Variants in NXF1 observed in about 807,000 individuals in gnomAD.
The protein encoded by NXF1 is mRNA export factor TAP.
In NXF1, 43 loss-of-function variants were observed where a neutral mutation model predicts 92.4. The observed-to-expected ratio is 0.47, with a 90% CI of 0.36 to 0.60. The LOEUF is 0.60. Among genes scored for constraint, NXF1 ranks in the 20% least tolerant of loss-of-function variants. The probability of loss-of-function intolerance (pLI) is 0.00; values close to 1 mark genes in which losing one functional copy is unlikely to be tolerated. For missense variants in NXF1, 576 were observed against 793.0 expected (o/e 0.73, Z 3.29); for synonymous variants, 288 against 292.2 (o/e 0.99, Z 0.15).
intron 19 of NXF1, among the ~76,000 whole-genome samples, chr11:62,793,913 A>G (rs1157628100): frequency 6.6e-6 from 1 of 151,134 alleles, no homozygotes; most frequent in African/African-American, 2.4e-5. Flanking sequence ...AGATTGGAGA[A>G]TTGCTTGAAC....
chr11:62,794,749 G>C (rs955621585), intron 18 of NXF1, 186 bp downstream of exon 18: 6 of 612,804 alleles, frequency 9.8e-6, no homozygotes, highest in African/African-American at 9.2e-5. Context: ...GGTGGAGCCA[G>C]GATGAAAACC....
At chr11:62,803,380 C>A in intron 3 of NXF1, 39 bp downstream of exon 3, 2 of 1,560,618 alleles carry the variant, frequency 1.3e-6, no homozygotes, top group Non-Finnish European at 1.8e-6. Context: ...GCGTGGCCTC[C>A]TATCTCTACT....
chr11:62,792,648 T>C lies in NXF1; in HGVS notation c.1814A>G (p.His605Arg). 6.2e-7 allele frequency: 1 copy of C among 1,614,130 alleles called. No individual in the cohort carries two copies. Among genetic ancestry groups the C allele is most frequent in the East Asian group, 2.2e-5 (1 of 44,886 alleles). Reference sequence around the variant, plus strand: ...TGTATTTCCAGACCTTACCTTGAGATGAGTGAAGGCCTGGGCAGATCTGGT... The same window carrying C: ...TGTATTTCCAGACCTTACCTTGAGACGAGTGAAGGCCTGGGCAGATCTGGT... ...DYTRSAQAFT[H>R]LKAKGEIPEV... Residue 605 changes from histidine (H) to arginine (R), a missense_variant, in exon 20 of 21, where the codon CAT becomes CGT. This residue lies in a region of NXF1 where 425 missense variants were observed against 635.2 expected (regional missense o/e 0.67). Transcript: ENST00000294172.
rs2084430734 is a variant in NXF1 at position 62,797,191 on chromosome 11, G to T, written c.1170C>A (p.Phe390Leu). Residue 390 changes from phenylalanine to leucine, a missense_variant, in exon 13 of 21, where the codon TTC becomes TTA. By Grantham distance (22) the Phe-to-Leu change is conservative. Coordinates refer to ENST00000294172, the MANE Select transcript of NXF1 (RefSeq NM_006362.5). ...GACCCTGGGATACTTACTGTTGCAGGAAGTGCAAGACCAGACTCTTCAAGT... is the reference window on the plus strand; with the variant it reads ...GACCCTGGGATACTTACTGTTGCAGTAAGTGCAAGACCAGACTCTTCAAGT... ...TENLKSLVLH[F>L]LQQYYAIYDS... 6.2e-7 allele frequency: 1 copy of T among 1,614,082 alleles called. No homozygotes were observed. The highest frequency in any genetic ancestry group is 8.5e-7 in the Non-Finnish European group (1 of 1,179,980).
chr11:62,794,513 A>T, intron 18 of NXF1, 73 bp from the exon 19 acceptor site: 1 of 1,346,194 alleles, frequency 7.4e-7, no homozygotes, highest in Non-Finnish European at 1.0e-6. Context: ...CTATTCTCTG[A>T]TTCTTTCAAT....
rs200039111 is a variant in NXF1 at position 62,803,212 on chromosome 11, G to A, written c.369+207C>T. Among the ~76,000 whole-genome samples, 13 of 152,156 alleles carry A rather than the reference G, an allele frequency of 8.5e-5. No individual in the cohort carries two copies. In the East Asian group the frequency reaches 1.3e-3, roughly 16 times the overall value. On this transcript the variant is annotated intron_variant, in intron 3 of 20. Transcript: ENST00000294172. ...TGGGTGTCTGTAGTCCCAGCTACTC[G>A]GGAGACTGAGGCAGAATAGCTTGAA...
At chr11:62,800,119 A>G (rs2084462466) in intron 10 of NXF1, 2 of 1,337,338 alleles carry the variant, frequency 1.5e-6, no homozygotes, top group African/African-American at 1.5e-5. Flanking sequence ...GATTCTAGAA[A>G]AGGTTGTGTT....
Position 62,792,193 on chromosome 11 carries a change from A to G in NXF1, c.*283T>C. ...AAATACAACATCACTCTTTATATTA[A>G]AAAGTAAGGAGGTCCTGGGGTTAAG... On this transcript the variant is annotated 3_prime_UTR_variant, in exon 21 of 21. Coordinates refer to ENST00000294172, the MANE Select transcript of NXF1 (RefSeq NM_006362.5). The G allele has an allele frequency of 1.6e-6, 1 of 641,540 alleles. No individual in the cohort carries two copies. The highest frequency in any genetic ancestry group is 2.7e-6 in the Non-Finnish European group (1 of 373,346). 39.7% of individuals were successfully genotyped at this position (641,540 alleles called of 1,614,324 possible).
At chr11:62,794,140 G>C in intron 19 of NXF1, 118 bp downstream of exon 19, 2 of 880,416 alleles carry the variant, frequency 2.3e-6, no homozygotes, top group South Asian at 3.6e-5. Flanking sequence ...ACTCCAGCCT[G>C]GATGACAGCG....
chr11:62,800,261 A>C lies in NXF1; in HGVS notation c.1016+116T>G, dbSNP rs575754059. Reference sequence around the variant, plus strand: ...GGAGCACGCGATCCTCTCAAAGGACAGGTGGTTCCAGCTCAGGGCTGCACA... The same window carrying C: ...GGAGCACGCGATCCTCTCAAAGGACCGGTGGTTCCAGCTCAGGGCTGCACA... On this transcript the variant is annotated intron_variant, in intron 10 of 20. Coordinates refer to ENST00000294172, the MANE Select transcript of NXF1 (RefSeq NM_006362.5). The C allele has an allele frequency of 1.4e-4, 210 of 1,535,104 alleles. 1 individual carries two copies. The East Asian group carries it at 5.0e-3, about 37-fold the overall frequency.
In NXF1 at chr11:62,793,997, C is replaced by A. The variant is rs1294730165; in HGVS notation, c.1760+261G>T. On this transcript the variant is annotated intron_variant, in intron 19 of 20. Coordinates refer to ENST00000294172, the MANE Select transcript of NXF1 (RefSeq NM_006362.5). ...GCCTGGGCAACATAGCAAGACTCCA[C>A]CTCCAAAAAAAAAAAATAATAAAAT... Among the ~76,000 whole-genome samples the A allele has an allele frequency of 3.3e-5, 5 of 150,028 alleles. No homozygotes were observed. The East Asian group carries it at 7.8e-4, about 23-fold the overall frequency.
chr11:62,803,818 A>T lies in NXF1; in HGVS notation c.189T>A (p.Asp63Glu). 6.2e-7 allele frequency: 1 copy of T among 1,614,086 alleles called. No homozygotes were observed. Among genetic ancestry groups the T allele is most frequent in the South Asian group, 1.1e-5 (1 of 91,070 alleles). ...ATCGTACTCGGGGACCATCCTGGGCATCACTCATTGCCACATCTCCATCAT... is the reference window on the plus strand; with the variant it reads ...ATCGTACTCGGGGACCATCCTGGGCTTCACTCATTGCCACATCTCCATCAT... ...EEDDGDVAMS[D>E]AQDGPRVRYN... The change falls in exon 2 of 21, where the codon GAT becomes GAA. Residue 63 changes from aspartate (D) to glutamate (E), a missense_variant. Asp to Glu is a conservative substitution (Grantham distance 45, BLOSUM62 2). Around this residue, in one of 2 missense-constraint regions of NXF1, gnomAD observed 151 missense variants for 157.8 expected, o/e 0.96. Transcript: ENST00000294172.
chr11:62,802,729 A>G (rs2084492078), intron 3 of NXF1, among the ~76,000 whole-genome samples: 1 of 152,010 alleles, frequency 6.6e-6, no homozygotes, highest in African/African-American at 2.4e-5. Flanking sequence ...GAGCCACTGT[A>G]CCCAGCCCAT....
intron 9 of NXF1, 39 bp from the exon 10 acceptor site, chr11:62,800,525 T>A: frequency 6.8e-7 from 1 of 1,472,856 alleles, no homozygotes; most frequent in Non-Finnish European, 9.4e-7. Flanking sequence ...GAGACCCTGG[T>A]GAAGACAGCC....
intron 3 of NXF1, 81 bp downstream of exon 3, chr11:62,803,338 T>A: frequency 8.5e-7 from 1 of 1,182,736 alleles, no homozygotes. Flanking sequence ...ATAATAATTT[T>A]TGTGGAATAA....
intron 10 of NXF1, chr11:62,798,879 C>T: frequency 8.3e-7 from 1 of 1,207,442 alleles, no homozygotes; most frequent in Non-Finnish European, 1.0e-6. Context: ...CCCTTACCTT[C>T]CACCTACTCA....
At chr11:62,804,800 G>A (rs1005965400) in intron 1 of NXF1, among the ~76,000 whole-genome samples, 1 of 152,238 alleles carries the variant, frequency 6.6e-6, no homozygotes, top group South Asian at 2.1e-4. Flanking sequence ...CCACATTAAG[G>A]GGGTGGAAAA....
In NXF1 at chr11:62,796,177, C is replaced by T; in HGVS notation, c.1350G>A (p.Leu450=). ...GCGTGTGCTTCAGCAGCCGGAACCGCAAGGCTGTGGGTAGAGGAGAAAGCT... is the reference window on the plus strand; with the variant it reads ...GCGTGTGCTTCAGCAGCCGGAACCGTAAGGCTGTGGGTAGAGGAGAAAGCT... ...RNVKKLKDPT[L]RFRLLKHTRL... Residue 450 remains leucine (L), a synonymous_variant, in exon 16 of 21, where the codon TTG becomes TTA. Transcript: ENST00000294172. 6.2e-7 allele frequency: 1 copy of T among 1,614,170 alleles called. No homozygotes were observed. Among genetic ancestry groups the T allele is most frequent in the Non-Finnish European group, 8.5e-7 (1 of 1,180,030 alleles).
Position 62,795,964 on chromosome 11 carries a change from G to C in NXF1, c.1462-21C>G, listed in dbSNP as rs753202459. 2.5e-5 allele frequency: 41 copies of C among 1,613,804 alleles called. 1 individual carries two copies. In the South Asian group the frequency reaches 4.2e-4, roughly 16 times the overall value. On this transcript the variant is annotated intron_variant, in intron 16 of 20. Coordinates refer to ENST00000294172, the MANE Select transcript of NXF1 (RefSeq NM_006362.5). Reference sequence around the variant, plus strand: ...GTGCTCTGAAAGAGAAGCAGCATCAGGTACAATGTACACTTCTCAGAGCCT... The same window carrying C: ...GTGCTCTGAAAGAGAAGCAGCATCACGTACAATGTACACTTCTCAGAGCCT...
Sources: gnomAD v4.1 joint callset for allele counts (sites outside exome capture counted in the v4.1 genomes callset) on GRCh38, gnomAD v4.1.1 for gene constraint, gnomAD v4.1.1 regional missense constraint, MANE v1.5 for transcripts, NCBI Gene and HGNC (gene_info 2026-07-23, HGNC 2026-07-21) for gene names.